The following ZNF791 variants were observed in gnomAD, a reference collection of about 807,000 sequenced individuals.
The protein encoded by ZNF791 is zinc finger protein 791.
A neutral mutation model predicts 11.5 loss-of-function variants in ZNF791; 4 were observed. The observed-to-expected ratio is 0.35, with a 90% CI of 0.17 to 0.80. The LOEUF is 0.80. ZNF791 is among the 30% of genes least tolerant of loss of function. The probability of loss-of-function intolerance (pLI) is 0.53; values close to 1 mark genes in which losing one functional copy is unlikely to be tolerated. For missense variants in ZNF791, 559 were observed against 699.4 expected (o/e 0.80, Z 2.26); for synonymous variants, 212 against 228.1 (o/e 0.93, Z 0.64).
intron 1 of ZNF791, among the ~76,000 whole-genome samples, chr19:12,613,407 C>T (rs533102471): frequency 8.7e-4 from 132 of 152,062 alleles, no homozygotes; most frequent in Non-Finnish European, 1.6e-3. Flanking sequence ...TTGTGAAACC[C>T]CGTCTCTACT....
In ZNF791 at chr19:12,632,185, A is replaced by T. The variant is rs58663011; in HGVS notation, c.*2925A>T. ...CACCGTGTTAAGCCAGGATGGTCTC[A>T]ATCTCCTGACCTCGTGATTCGACCG... On this transcript the variant is annotated 3_prime_UTR_variant, in exon 4 of 4. Coordinates refer to ENST00000343325, the MANE Select transcript of ZNF791 (RefSeq NM_153358.3). The T allele has an allele frequency of 1.3e-5, 2 of 151,704 alleles. No individual in the cohort carries two copies. The highest frequency in any genetic ancestry group is 2.1e-4 in the South Asian group (1 of 4,782). The allele number at this position is 151,704 out of a possible 1,614,324, so 9.4% of individuals were successfully genotyped here. A position where few individuals can be genotyped will look rare whatever the true frequency, so the allele number is the denominator to read the frequency against.
chr19:12,627,564 T>C (rs1323824816), intron 3 of ZNF791, among the ~76,000 whole-genome samples, 157 bp from the exon 4 acceptor site: 2 of 152,132 alleles, frequency 1.3e-5, no homozygotes, highest in Admixed American at 1.3e-4. Flanking sequence ...AGGTGGAGGT[T>C]GCAGTGAGCT....
rs534113308 is a variant in ZNF791, at chr19:12,612,560, A to G, written c.3+1478A>G. On this transcript the variant is annotated intron_variant, in intron 1 of 3. Transcript: ENST00000343325. The stretch of plus-strand genomic sequence containing the variant: ...GGGTTCAAGCGATTCTCCTGCCTCA[A>G]CCTCCCAAGTAGCTGGGATTACAGG... 3.5e-5 allele frequency among the ~76,000 whole-genome samples: 5 copies of G among 142,952 alleles called. No individual in the cohort carries two copies. In the South Asian group the frequency reaches 6.6e-4, roughly 19 times the overall value. 93.8% of individuals were successfully genotyped at this position (142,952 alleles called of 152,430 possible).
chr19:12,620,497 A>C (rs1029037152), intron 1 of ZNF791, among the ~76,000 whole-genome samples: 2 of 152,058 alleles, frequency 1.3e-5, no homozygotes, highest in African/African-American at 4.8e-5. Context: ...TTTCTATTAA[A>C]TGTAAATGTA....
In ZNF791 at chr19:12,621,802, C is replaced by A. The variant is rs867709998; in HGVS notation, c.4-1898C>A. On this transcript the variant is annotated intron_variant, in intron 1 of 3. Transcript: ENST00000343325. ...AGCCCCCCCGCCCGGCCAGCCGCCC[C>A]GTCCGGGAGGTGAGGGGCGCCTCTG... 2.5e-3 allele frequency among the ~76,000 whole-genome samples: 299 copies of A among 121,772 alleles called. 6 individuals carry two copies. The highest frequency in any genetic ancestry group is 9.7e-3 in the African/African-American group (272 of 28,132). 79.9% of individuals were successfully genotyped at this position (121,772 alleles called of 152,430 possible).
Position 12,629,257 on chromosome 19 carries a change from A to T in ZNF791, c.1728A>T (p.Arg576=). 1 of 1,465,294 alleles carries T rather than the reference A, an allele frequency of 6.8e-7. No homozygotes were observed. The highest frequency in any genetic ancestry group is 9.0e-7 in the Non-Finnish European group (1 of 1,106,498). 90.8% of individuals were successfully genotyped at this position (1,465,294 alleles called of 1,614,324 possible). ...AAAAACATATGAGAATGCACAATCG[A>T]TAGAAACTCTATAAATGTGAGAAAT... ...SLKKHMRMHN[R] is the part of the protein sequence containing the mutation. Residue 576 remains arginine, a synonymous_variant, in exon 4 of 4, where the codon CGA becomes CGT. Transcript: ENST00000343325.
intron 1 of ZNF791, among the ~76,000 whole-genome samples, chr19:12,614,751 T>C (rs928197352): frequency 2.6e-5 from 4 of 151,956 alleles, no homozygotes; most frequent in Non-Finnish European, 4.4e-5. Context: ...TGCGCCACCA[T>C]GCCCAGCTAA....
chr19:12,628,300 A>G lies in ZNF791; in HGVS notation c.771A>G (p.Thr257=), dbSNP rs2023457274. 1 of 1,613,562 alleles carries G rather than the reference A, an allele frequency of 6.2e-7. No individual in the cohort carries two copies. Among genetic ancestry groups the G allele is most frequent in the Non-Finnish European group, 8.5e-7 (1 of 1,179,788 alleles). The change falls in exon 4 of 4, where the codon ACA becomes ACG. Residue 257 remains threonine, a synonymous_variant. Transcript: ENST00000343325. ...GTGGGAAAGCCTTCATTTCCCACAC[A>G]AGTGTTCTAACACACATGATAACAC... The part of the protein sequence containing the change: ...KECGKAFISH[T]SVLTHMITHN...
chr19:12,627,952 T>C lies in ZNF791; in HGVS notation c.423T>C (p.Phe141=), dbSNP rs61737515. The C allele has an allele frequency of 8.1e-3, 13,132 of 1,614,096 alleles. 925 individuals carry two copies. The African/African-American group carries it at 0.15, about 19-fold the overall frequency. Residue 141 remains phenylalanine (F), a synonymous_variant, in exon 4 of 4, where the codon TTT becomes TTC. Coordinates refer to ENST00000343325, the MANE Select transcript of ZNF791 (RefSeq NM_153358.3). ...AATGTAAGGAGTGTGAGAAAGCCTT[T>C]AGTTATCTCAAATCCTTTCAAAGAC... ...PYKCKECEKA[F]SYLKSFQRHE...
chr19:12,627,863 C>G lies in ZNF791; in HGVS notation c.334C>G (p.Leu112Val), dbSNP rs781214645. Reference protein sequence around the residue: ...CTICGKAFMRLSSLTRHMRSH... With the variant: ...CTICGKAFMRVSSLTRHMRSH... ...TATCTGTGGAAAAGCCTTCATGCGTCTCTCATCCCTTACTAGACACATGAG... is the reference window on the plus strand; with the variant it reads ...TATCTGTGGAAAAGCCTTCATGCGTGTCTCATCCCTTACTAGACACATGAG... The change falls in exon 4 of 4, where the codon CTC (leucine) becomes GTC (valine). Residue 112 changes from leucine to valine, a missense_variant. Physicochemically the swap from Leu to Val is conservative, Grantham distance 32. Coordinates refer to ENST00000343325, the MANE Select transcript of ZNF791 (RefSeq NM_153358.3). 4 of 1,614,176 alleles carry G rather than the reference C, an allele frequency of 2.5e-6. No individual in the cohort carries two copies. The highest frequency in any genetic ancestry group is 3.4e-6 in the Non-Finnish European group (4 of 1,180,036).
Position 12,629,133 on chromosome 19 carries a change from T to G in ZNF791, c.1604T>G (p.Leu535Arg), listed in dbSNP as rs768063052. The change falls in exon 4 of 4, where the codon CTT becomes CGT. Residue 535 changes from leucine to arginine, a missense_variant. Leu to Arg is a moderately radical substitution (Grantham distance 102). Transcript: ENST00000343325. ...KCKECGKAFS[L>R]HSSFQRHTRI... ...AAAGAATGTGGGAAGGCCTTTAGTC[T>G]TCACAGTTCCTTTCAAAGACATACA... 1 of 1,603,092 alleles carries G rather than the reference T, an allele frequency of 6.2e-7. No individual in the cohort carries two copies. Among genetic ancestry groups the G allele is most frequent in the Non-Finnish European group, 8.5e-7 (1 of 1,175,902 alleles).
In ZNF791 at chr19:12,628,171, G is replaced by C; in HGVS notation, c.642G>C (p.Lys214Asn). The change falls in exon 4 of 4, where the codon AAG becomes AAC. Residue 214 changes from lysine (K) to asparagine (N), a missense_variant. Lys to Asn is a moderately conservative substitution (Grantham distance 94). Transcript: ENST00000343325. ...RVHERIHTGE[K>N]PYECKQCGKA... ...ATGAAAGGATTCACACTGGAGAAAA[G>C]CCCTATGAATGTAAACAATGTGGGA... 5 of 1,613,914 alleles carry C rather than the reference G, an allele frequency of 3.1e-6. No homozygotes were observed. Among genetic ancestry groups the C allele is most frequent in the Non-Finnish European group, 4.2e-6 (5 of 1,179,956 alleles).
In ZNF791 at chr19:12,628,231, C is replaced by T. The variant is rs117380840; in HGVS notation, c.702C>T (p.His234=). The change falls in exon 4 of 4, where the codon CAC becomes CAT. Residue 234 remains histidine, a synonymous_variant. Coordinates refer to ENST00000343325, the MANE Select transcript of ZNF791 (RefSeq NM_153358.3). ...AFSCSSSIRV[H]ERTHTGEKPY... is the part of the protein sequence containing the mutation. ...GTTGTTCCAGTTCTATTCGAGTACA[C>T]GAAAGAACTCACACTGGAGAGAAAC... 8.4e-3 allele frequency: 13,570 copies of T among 1,613,312 alleles called. 69 individuals are homozygous for T. The highest frequency in any genetic ancestry group is 0.02 in the Middle Eastern group (120 of 6,058).
At chr19:12,622,316 C>A (rs1260247933) in intron 1 of ZNF791, among the ~76,000 whole-genome samples, 1 of 142,302 alleles carries the variant, frequency 7.0e-6, no homozygotes, top group African/African-American at 2.6e-5. Context: ...CCTGTCAAAT[C>A]CCCCTCTGTG....
Position 12,633,522 on chromosome 19 carries a change from C to G in ZNF791, c.*4262C>G, listed in dbSNP as rs565275916. Reference sequence around the variant, plus strand: ...TTTCCTGGTTATTTTCTCTGCCAATCAAAAGTATCCTGAAAACACCCTGAG... The same window carrying G: ...TTTCCTGGTTATTTTCTCTGCCAATGAAAAGTATCCTGAAAACACCCTGAG... On this transcript the variant is annotated 3_prime_UTR_variant, in exon 4 of 4. Coordinates refer to ENST00000343325, the MANE Select transcript of ZNF791 (RefSeq NM_153358.3). 10 of 152,294 alleles carry G rather than the reference C, an allele frequency of 6.6e-5. No homozygotes were observed. Among genetic ancestry groups the G allele is most frequent in the African/African-American group, 2.4e-4 (10 of 41,566 alleles). 9.4% of individuals were successfully genotyped at this position (152,294 alleles called of 1,614,324 possible).
chr19:12,623,726 T>G lies in ZNF791; in HGVS notation c.30T>G (p.Ser10=), dbSNP rs1447542702. 6.2e-7 allele frequency: 1 copy of G among 1,614,176 alleles called. No homozygotes were observed. Among genetic ancestry groups the G allele is most frequent in the Non-Finnish European group, 8.5e-7 (1 of 1,180,034 alleles). ...ACTCAGTGGCTTTTGAGGATGTGTCTGTGAGCTTCAGCCAGGAGGAGTGGG... is the reference window on the plus strand; with the variant it reads ...ACTCAGTGGCTTTTGAGGATGTGTCGGTGAGCTTCAGCCAGGAGGAGTGGG... The part of the protein sequence containing the change: MDSVAFEDV[S]VSFSQEEWAL... Residue 10 remains serine, a synonymous_variant, in exon 2 of 4, where the codon TCT becomes TCG. Transcript: ENST00000343325.
intron 1 of ZNF791, among the ~76,000 whole-genome samples, chr19:12,613,322 C>T (rs2023190728): frequency 6.6e-6 from 1 of 151,962 alleles, no homozygotes. Context: ...TGGCTCATGC[C>T]TGTAATCCCA....
In ZNF791 at chr19:12,629,319, G is replaced by A. The variant is rs2023471014; in HGVS notation, c.*59G>A. The A allele has an allele frequency of 2.2e-6, 3 of 1,342,056 alleles. No homozygotes were observed. The East Asian group carries it at 7.4e-5, about 33-fold the overall frequency. 83.1% of individuals were successfully genotyped at this position (1,342,056 alleles called of 1,614,324 possible). Reference sequence around the variant, plus strand: ...TTCAATTCTAACAGATGCTTTCAAAGTTGTGAAAATTCCCACTGAAGAGAG... The same window carrying A: ...TTCAATTCTAACAGATGCTTTCAAAATTGTGAAAATTCCCACTGAAGAGAG... On this transcript the variant is annotated 3_prime_UTR_variant, in exon 4 of 4. Transcript: ENST00000343325.
intron 2 of ZNF791, 149 bp downstream of exon 2, chr19:12,623,975 C>A (rs1443275870): frequency 1.4e-6 from 1 of 721,392 alleles, no homozygotes; most frequent in Non-Finnish European, 2.1e-6. Flanking sequence ...CCTACCTCAG[C>A]CTCCCGAGTA....
Sources: gnomAD v4.1 joint callset for allele counts (sites outside exome capture counted in the v4.1 genomes callset) on GRCh38, gnomAD v4.1.1 for gene constraint, MANE v1.5 for transcripts, NCBI Gene and HGNC (gene_info 2026-07-23, HGNC 2026-07-21) for gene names.